NEGR1: variants seen among roughly 807,000 people sequenced by gnomAD.
NEGR1 encodes the protein neuronal growth regulator 1.
In NEGR1, 10 loss-of-function variants were observed where a neutral mutation model predicts 40.9. The ratio of observed to expected loss-of-function variants is 0.24; its 90% confidence interval spans 0.15 to 0.42. The LOEUF is 0.42. Ranked by LOEUF, NEGR1 falls within the 10% of genes least tolerant of loss-of-function variation. The pLI is 1.00. For missense variants in NEGR1, 352 were observed against 438.9 expected (o/e 0.80, Z 1.77); for synonymous variants, 185 against 166.8 (o/e 1.11, Z -0.84).
intron 2 of NEGR1, among the ~76,000 whole-genome samples, chr1:71,918,196 G>C (rs1367208060): frequency 2.0e-5 from 2 of 102,262 alleles, no homozygotes; most frequent in Admixed American, 1.5e-4. Flanking sequence ...TAGCCTGGGC[G>C]ACAGAACGAG....
chr1:71,519,761 A>G (rs923371384), intron 6 of NEGR1, among the ~76,000 whole-genome samples: 2 of 151,950 alleles, frequency 1.3e-5, no homozygotes, highest in African/African-American at 4.8e-5. Context: ...AAAAACAAAA[A>G]AAGATCACAC....
chr1:71,980,777 C>T (rs1421590784), intron 1 of NEGR1, among the ~76,000 whole-genome samples: 1 of 152,104 alleles, frequency 6.6e-6, no homozygotes, highest in Non-Finnish European at 1.5e-5. Flanking sequence ...CCACTTCCTG[C>T]CCTATATGCC....
intron 4 of NEGR1, among the ~76,000 whole-genome samples, chr1:71,668,486 T>A (rs1373112366): frequency 6.6e-6 from 1 of 152,194 alleles, no homozygotes; most frequent in Non-Finnish European, 1.5e-5. Flanking sequence ...ATTGGATAAC[T>A]ATTCTTTTTT....
chr1:71,548,102 G>C (rs544086825), intron 6 of NEGR1, among the ~76,000 whole-genome samples: 1 of 151,648 alleles, frequency 6.6e-6, no homozygotes, highest in African/African-American at 2.4e-5. Flanking sequence ...CTTGATTACA[G>C]TCTCATGAGA....
chr1:72,145,279 A>T (rs927156849), intron 1 of NEGR1, among the ~76,000 whole-genome samples: 7 of 152,248 alleles, frequency 4.6e-5, no homozygotes, highest in Admixed American at 1.3e-4. Context: ...AGAGTCAACT[A>T]TCATTTCTAT....
At chr1:71,792,525 T>C (rs1324952063) in intron 2 of NEGR1, among the ~76,000 whole-genome samples, 1 of 152,198 alleles carries the variant, frequency 6.6e-6, no homozygotes, top group Non-Finnish European at 1.5e-5. Flanking sequence ...TTTCCAGAGA[T>C]AGGATGACCA....
chr1:71,675,527 T>TGA (rs376606071), intron 4 of NEGR1, among the ~76,000 whole-genome samples: 8 of 147,940 alleles, frequency 5.4e-5, no homozygotes, highest in African/African-American at 2.0e-4. Flanking sequence ...ATATAGAGAG[T>TGA]GAGAGAGAGA....
chr1:72,087,601 T>C (rs746906544), intron 1 of NEGR1, among the ~76,000 whole-genome samples: 1 of 151,812 alleles, frequency 6.6e-6, no homozygotes, highest in Non-Finnish European at 1.5e-5. Context: ...TGTGTTCTTT[T>C]ATATTTTATT....
intron 1 of NEGR1, among the ~76,000 whole-genome samples, chr1:72,162,481 CAAAAG>C (rs1237352136): frequency 1.3e-5 from 2 of 151,728 alleles, no homozygotes; most frequent in African/African-American, 2.4e-5. Context: ...AACAAACAAA[CAAAAG>C]AAAAACAAAC....
chr1:72,109,691 C>T (rs897493521), intron 1 of NEGR1, among the ~76,000 whole-genome samples: 5 of 151,606 alleles, frequency 3.3e-5, no homozygotes, highest in African/African-American at 1.2e-4. Context: ...ATCAAGACAA[C>T]TAGGAGAAAA....
At chr1:72,227,896 A>G (rs530401393) in intron 1 of NEGR1, among the ~76,000 whole-genome samples, 22 of 152,154 alleles carry the variant, frequency 1.4e-4, no homozygotes, top group Non-Finnish European at 3.1e-4. Flanking sequence ...TGCCTGAAAT[A>G]GAACACTGCC....
intron 4 of NEGR1, among the ~76,000 whole-genome samples, chr1:71,654,106 T>G (rs1373029442): frequency 6.6e-6 from 1 of 152,162 alleles, no homozygotes; most frequent in Non-Finnish European, 1.5e-5. Flanking sequence ...GGCTACATAC[T>G]GTTATGATTC....
intron 6 of NEGR1, among the ~76,000 whole-genome samples, chr1:71,457,559 C>T (rs1646682388): frequency 6.6e-6 from 1 of 152,158 alleles, no homozygotes; most frequent in East Asian, 1.9e-4. Flanking sequence ...ATACAGATTA[C>T]TGTTTAGCAA....
At chr1:72,257,847 A>G (rs954559288) in intron 1 of NEGR1, among the ~76,000 whole-genome samples, 3 of 151,638 alleles carry the variant, frequency 2.0e-5, no homozygotes, top group Non-Finnish European at 2.9e-5. Flanking sequence ...GAAAATCCAA[A>G]TATTACATAC....
chr1:71,846,383 C>CCA (rs370237362), intron 2 of NEGR1, among the ~76,000 whole-genome samples: 3,930 of 130,742 alleles, frequency 0.03, 236 homozygotes, highest in African/African-American at 0.11. Flanking sequence ...ACCCACCCAC[C>CCA]CACACACACA....
intron 6 of NEGR1, among the ~76,000 whole-genome samples, chr1:71,444,690 G>C (rs2101318465): frequency 6.6e-6 from 1 of 152,068 alleles, no homozygotes; most frequent in South Asian, 2.1e-4. Flanking sequence ...TTGTCAGAGA[G>C]ACTTTAATGC....
In NEGR1 at chr1:72,249,478, C is replaced by G. The variant is rs139455697; in HGVS notation, c.176+32841G>C. Among the ~76,000 whole-genome samples, 4 of 152,172 alleles carry G rather than the reference C, an allele frequency of 2.6e-5. No individual in the cohort carries two copies. The South Asian group carries it at 6.2e-4, about 24-fold the overall frequency. On this transcript the variant is annotated intron_variant, in intron 1 of 6. Transcript: ENST00000357731. Reference sequence around the variant, plus strand: ...ATATTTCCTGGTAGCTAATTATGAGCTTAACATGAGCAAGGAACTATATAT... The same window carrying G: ...ATATTTCCTGGTAGCTAATTATGAGGTTAACATGAGCAAGGAACTATATAT...
chr1:72,244,000 T>C (rs1557595176), intron 1 of NEGR1, among the ~76,000 whole-genome samples: 1 of 151,868 alleles, frequency 6.6e-6, no homozygotes, highest in Non-Finnish European at 1.5e-5. Context: ...CAGGTTTATC[T>C]AAGTATAGCA....
chr1:71,919,009 CA>C (rs1320615947), intron 2 of NEGR1, among the ~76,000 whole-genome samples: 3 of 152,066 alleles, frequency 2.0e-5, no homozygotes, highest in Non-Finnish European at 4.4e-5. Context: ...TTCAACAAAA[CA>C]AAAATATAAA....
Sources: gnomAD v4.1 joint callset for allele counts (sites outside exome capture counted in the v4.1 genomes callset) on GRCh38, gnomAD v4.1.1 for gene constraint, MANE v1.5 for transcripts, NCBI Gene and HGNC (gene_info 2026-07-23, HGNC 2026-07-21) for gene names.